ELMO1: variants seen among roughly 807,000 people sequenced by gnomAD.
ELMO1 encodes engulfment and cell motility protein 1.
ELMO1 carries 26 observed loss-of-function variants against 98.9 expected under a neutral mutation model. The observed-to-expected ratio is 0.26, with a 90% confidence interval of 0.19 to 0.36. The LOEUF is 0.36. ELMO1 is among the 10% of genes least tolerant of loss of function. The pLI, the probability that ELMO1 is intolerant of heterozygous loss-of-function variation, is 1.00. For missense variants in ELMO1, 627 were observed against 935.2 expected, an observed-to-expected ratio of 0.67 and a Z score of 4.30; for synonymous variants, 346 against 346.0, an observed-to-expected ratio of 1.00 and a Z score of 0.00.
intron 13 of ELMO1, among the ~76,000 whole-genome samples, chr7:37,186,330 T>C (rs1316639516): frequency 2.6e-5 from 4 of 152,122 alleles, no homozygotes; most frequent in Non-Finnish European, 5.9e-5. Context: ...GAACTAAATA[T>C]AAGGGTGAAA....
At chr7:37,038,227 T>G (rs1795302826) in intron 15 of ELMO1, among the ~76,000 whole-genome samples, 1 of 152,150 alleles carries the variant, frequency 6.6e-6, no homozygotes, top group Non-Finnish European at 1.5e-5. Context: ...TTGGTTCCCA[T>G]GTCTCCCTTG....
intron 15 of ELMO1, among the ~76,000 whole-genome samples, chr7:37,068,345 CT>C (rs906695663): frequency 5.9e-5 from 9 of 152,156 alleles, no homozygotes; most frequent in African/African-American, 1.9e-4. Context: ...CACCTGTACC[CT>C]TTGGCACTTT....
At chr7:37,164,647 T>C (rs1162837257) in intron 13 of ELMO1, among the ~76,000 whole-genome samples, 2 of 152,050 alleles carry the variant, frequency 1.3e-5, no homozygotes, top group Middle Eastern at 6.8e-3. Flanking sequence ...CAGATAGTTG[T>C]AGATATGTGG....
chr7:36,878,190 A>G (rs780569731), intron 18 of ELMO1, 73 bp from the exon 19 acceptor site: 1 of 1,154,838 alleles, frequency 8.7e-7, no homozygotes, highest in Non-Finnish European at 1.3e-6. Context: ...TTATTTCTTA[A>G]TACTCTTGCC....
intron 6 of ELMO1, among the ~76,000 whole-genome samples, chr7:37,253,447 A>T (rs1435442123): frequency 6.6e-6 from 1 of 152,172 alleles, no homozygotes; most frequent in Non-Finnish European, 1.5e-5. Flanking sequence ...TGAAGCTGGA[A>T]ACCATCATTC....
At chr7:37,215,468 TC>T (rs1380171299) in intron 11 of ELMO1, among the ~76,000 whole-genome samples, 1 of 152,092 alleles carries the variant, frequency 6.6e-6, no homozygotes, top group Non-Finnish European at 1.5e-5. Context: ...AATAAATGAC[TC>T]CTTTCATATG....
chr7:37,298,526 T>C (rs1798179588), intron 4 of ELMO1, among the ~76,000 whole-genome samples: 1 of 148,988 alleles, frequency 6.7e-6, no homozygotes, highest in African/African-American at 2.5e-5. Flanking sequence ...ATTGTTCAAT[T>C]CCCACCTATG....
In ELMO1 at chr7:37,121,355, G is replaced by A. The variant is rs569148111; in HGVS notation, c.1191+11775C>T. Among the ~76,000 whole-genome samples the A allele has an allele frequency of 2.6e-5, 4 of 152,222 alleles. No individual in the cohort carries two copies. In the East Asian group the frequency reaches 5.8e-4, roughly 22 times the overall value. ...CTAAAGGATGAAGGTCGAACCCATCGCAAAGAAGTTAAAAACCTCAAAAAA... is the reference window on the plus strand; with the variant it reads ...CTAAAGGATGAAGGTCGAACCCATCACAAAGAAGTTAAAAACCTCAAAAAA... On this transcript the variant is annotated intron_variant, in intron 14 of 21. Transcript: ENST00000310758.
intron 1 of ELMO1, among the ~76,000 whole-genome samples, chr7:37,388,840 G>A (rs1487562407): frequency 3.3e-5 from 5 of 152,164 alleles, no homozygotes; most frequent in African/African-American, 1.2e-4. Flanking sequence ...GCCGTCACCT[G>A]ACCCACACAA....
At chr7:37,329,012 C>T (rs913450441) in intron 2 of ELMO1, among the ~76,000 whole-genome samples, 7 of 152,182 alleles carry the variant, frequency 4.6e-5, no homozygotes, top group African/African-American at 1.7e-4. Context: ...CAATGCAGTC[C>T]GGAGTGACTC....
chr7:37,222,936 G>C (rs998599157), intron 9 of ELMO1, among the ~76,000 whole-genome samples: 8 of 152,186 alleles, frequency 5.3e-5, no homozygotes, highest in Admixed American at 6.5e-5. Flanking sequence ...CAGAAATATA[G>C]GCAGCCTTCT....
At chr7:37,179,439 G>A (rs1409228449) in intron 13 of ELMO1, among the ~76,000 whole-genome samples, 6 of 151,790 alleles carry the variant, frequency 4.0e-5, no homozygotes, top group East Asian at 1.9e-4. Context: ...CACCACGACC[G>A]GCTAATTTTT....
At chr7:37,432,888 T>C (rs952895708) in intron 1 of ELMO1, among the ~76,000 whole-genome samples, 2 of 152,242 alleles carry the variant, frequency 1.3e-5, no homozygotes, top group Non-Finnish European at 2.9e-5. Flanking sequence ...GGGTGACTAG[T>C]AGAGAATTAT....
chr7:36,946,433 T>G (rs376297696), intron 16 of ELMO1, among the ~76,000 whole-genome samples: 1 of 152,226 alleles, frequency 6.6e-6, no homozygotes, highest in African/African-American at 2.4e-5. Context: ...TGCTATGCTA[T>G]GAAGACAAAG....
At chr7:37,233,576 C>A (rs1472917974) in intron 7 of ELMO1, among the ~76,000 whole-genome samples, 1 of 152,184 alleles carries the variant, frequency 6.6e-6, no homozygotes, top group Non-Finnish European at 1.5e-5. Flanking sequence ...AAGTATGTAG[C>A]ATATAGACAC....
chr7:36,990,410 T>C (rs1052579065), intron 16 of ELMO1, among the ~76,000 whole-genome samples: 3 of 152,174 alleles, frequency 2.0e-5, no homozygotes, highest in Non-Finnish European at 4.4e-5. Context: ...ACATGGATGA[T>C]AGGTAGCCTA....
rs1199142406 is a variant in ELMO1 at position 37,175,122 on chromosome 7, AT to A, written c.1086+36263del. Among the ~76,000 whole-genome samples the A allele has an allele frequency of 3.3e-5, 5 of 152,214 alleles. No homozygotes were observed. The East Asian group carries it at 7.7e-4, about 23-fold the overall frequency. On this transcript the variant is annotated intron_variant, in intron 13 of 21. Coordinates refer to ENST00000310758, the MANE Select transcript of ELMO1 (RefSeq NM_014800.11). ...GGCGGGAAAAGAAAAGAGAAACAGC[AT>A]TTGAAACACTGCAAAGAGAAAATGA...
chr7:37,314,915 G>C lies in ELMO1; in HGVS notation c.127C>G (p.Leu43Val). The C allele has an allele frequency of 1.2e-6, 2 of 1,613,634 alleles. No homozygotes were observed. Among genetic ancestry groups the C allele is most frequent in the Non-Finnish European group, 1.7e-6 (2 of 1,179,862 alleles). Residue 43 changes from leucine (L) to valine (V), a missense_variant, in exon 4 of 22, where the codon CTT (leucine) becomes GTT (valine). This residue lies in a region of ELMO1 where 123 missense variants were observed against 171.2 expected (regional missense o/e 0.72). Coordinates refer to ENST00000310758, the MANE Select transcript of ELMO1 (RefSeq NM_014800.11). ...AGTGCAAAATATTCATGGTTGGCAA[G>C]AGACCACCTTAAAAATACAAGCGTA... Reference protein sequence around the residue: ...IIKEVCDGWSLANHEYFALQH... With the variant: ...IIKEVCDGWSVANHEYFALQH...
At chr7:37,139,828 G>A (rs537006483) in intron 13 of ELMO1, among the ~76,000 whole-genome samples, 40 of 152,070 alleles carry the variant, frequency 2.6e-4, no homozygotes, top group African/African-American at 8.9e-4. Flanking sequence ...ACTATAAGGC[G>A]ACAGTCATCA....
Sources: gnomAD v4.1 joint callset for allele counts (sites outside exome capture counted in the v4.1 genomes callset) on GRCh38, gnomAD v4.1.1 for gene constraint, gnomAD v4.1.1 regional missense constraint, MANE v1.5 for transcripts, NCBI Gene and HGNC (gene_info 2026-07-23, HGNC 2026-07-21) for gene names.